The following KIF13A variants were observed in gnomAD, a reference collection of about 807,000 sequenced individuals.
The protein encoded by KIF13A is kinesin-like protein KIF13A.
Under a neutral mutation model 212.2 loss-of-function variants are expected in KIF13A, and 79 were observed. The observed-to-expected ratio is 0.37, with a 90% CI of 0.31 to 0.45. The LOEUF is 0.45. KIF13A is among the 20% of genes least tolerant of loss of function. The probability of loss-of-function intolerance (pLI) is 1.00; values close to 1 mark genes in which losing one functional copy is unlikely to be tolerated. For missense variants in KIF13A, 1,901 were observed against 2,209.0 expected (o/e 0.86, Z 2.79); for synonymous variants, 789 against 808.6 (o/e 0.98, Z 0.41).
In KIF13A at chr6:17,764,374, G is replaced by A; in HGVS notation, c.5154C>T (p.Pro1718=). 1.2e-6 allele frequency: 2 copies of A among 1,613,942 alleles called. No homozygotes were observed. The highest frequency in any genetic ancestry group is 2.2e-5 in the South Asian group (2 of 91,086). ...TGGTGTGTTCTACCGTCACCTCCCT[G>A]GGGCAGAATCCCCTGGCTGGCTGGC... is the stretch of plus-strand genomic sequence containing the variant. The part of the protein sequence containing the change: ...KISQPARGFC[P]REVTVEHTTN... The change falls in exon 39 of 39, where the codon CCC becomes CCT. Residue 1718 remains proline, a synonymous_variant. Coordinates refer to ENST00000259711, the MANE Select transcript of KIF13A (RefSeq NM_022113.6). This position sits in a 1 kb window ranked among gnomAD's most constrained non-coding sequence, Gnocchi z 5.1.
At chr6:17,791,977 G>A (rs564041609) in intron 25 of KIF13A, among the ~76,000 whole-genome samples, 2 of 151,504 alleles carry the variant, frequency 1.3e-5, no homozygotes, top group Admixed American at 6.6e-5. Context: ...GTCGAGGTGG[G>A]TGGATCATGA....
intron 38 of KIF13A, among the ~76,000 whole-genome samples, chr6:17,767,375 C>A (rs576784169): frequency 2.8e-3 from 429 of 152,240 alleles, no homozygotes; most frequent in Admixed American, 4.3e-3. Context: ...CTGCTTCAGC[C>A]TCCCAAGTAG....
intron 29 of KIF13A, among the ~76,000 whole-genome samples, chr6:17,782,541 T>C (rs1401624856): frequency 6.6e-6 from 1 of 151,794 alleles, no homozygotes; most frequent in Admixed American, 6.6e-5. Context: ...GAGGCTGAGG[T>C]AGAAAACTGC....
At chr6:17,874,993 G>GCACATGTACACACACACA (rs1224756285) in intron 3 of KIF13A, among the ~76,000 whole-genome samples, 1 of 51,410 alleles carries the variant, frequency 1.9e-5, no homozygotes, top group African/African-American at 1.1e-4. Context: ...ACACACACAC[G>GCACATGTACACACACACA]CACACGCACG....
chr6:17,918,204 C>T lies in KIF13A; in HGVS notation c.147-20024G>A, dbSNP rs1454304883. On this transcript the variant is annotated intron_variant, in intron 2 of 38. Transcript: ENST00000259711. The surrounding 1 kb of genome is among the most constrained non-coding windows in gnomAD (Gnocchi z 4.8). ...CACCCATCTCGTTCCAAGCAGAGGC[C>T]GGGTCACACTCACCCTGGGTTCTCT... is the stretch of plus-strand genomic sequence containing the variant. Among the ~76,000 whole-genome samples the T allele has an allele frequency of 2.0e-5, 3 of 151,826 alleles. No individual in the cohort carries two copies. The highest frequency in any genetic ancestry group is 6.6e-5 in the Admixed American group (1 of 15,228).
chr6:17,796,334 T>TA (rs1004286955), intron 23 of KIF13A, among the ~76,000 whole-genome samples: 13 of 69,368 alleles, frequency 1.9e-4, no homozygotes, highest in South Asian at 5.8e-4. Flanking sequence ...TTTTTATAAA[T>TA]AAAAAAAAAA....
chr6:17,805,666 T>G, intron 18 of KIF13A, 51 bp from the exon 19 acceptor site: 1 of 1,515,202 alleles, frequency 6.6e-7, no homozygotes, highest in Non-Finnish European at 8.9e-7. Flanking sequence ...CCTTTTTCGA[T>G]TGCTAAAGCA....
At chr6:17,981,143 C>A (rs1484971680) in intron 2 of KIF13A, among the ~76,000 whole-genome samples, 1 of 151,220 alleles carries the variant, frequency 6.6e-6, no homozygotes, top group Admixed American at 6.6e-5. Context: ...CTAACTAAAC[C>A]TATGTTTTTC....
intron 2 of KIF13A, among the ~76,000 whole-genome samples, chr6:17,985,353 A>G (rs73375105): frequency 0.01 from 1,556 of 152,326 alleles, 21 homozygotes; most frequent in African/African-American, 0.036. Flanking sequence ...TCAACTGATT[A>G]CTTAGCATTT....
chr6:17,904,861 T>C (rs1773359018), intron 2 of KIF13A, among the ~76,000 whole-genome samples: 1 of 152,262 alleles, frequency 6.6e-6, no homozygotes, highest in East Asian at 1.9e-4. Flanking sequence ...ACTTTATTAA[T>C]TGTTGGAAAT....
chr6:17,925,789 A>C (rs562842237), intron 2 of KIF13A, among the ~76,000 whole-genome samples: 22 of 152,346 alleles, frequency 1.4e-4, no homozygotes, highest in Admixed American at 1.1e-3. Flanking sequence ...GTAATGACGA[A>C]GGCAAACAGT....
intron 2 of KIF13A, among the ~76,000 whole-genome samples, chr6:17,985,463 A>G (rs1304566554): frequency 6.6e-6 from 1 of 152,030 alleles, no homozygotes; most frequent in Non-Finnish European, 1.5e-5. Context: ...AACAGTAGCT[A>G]ACAGTCGCAC....
chr6:17,887,339 A>G (rs969990628), intron 3 of KIF13A, among the ~76,000 whole-genome samples: 1 of 152,192 alleles, frequency 6.6e-6, no homozygotes, highest in Non-Finnish European at 1.5e-5. Flanking sequence ...TTGAACATTT[A>G]AGGTTGTTAC....
In KIF13A at chr6:17,811,518, C is replaced by T. The variant is rs999009651; in HGVS notation, c.2001-2588G>A. Among the ~76,000 whole-genome samples the T allele has an allele frequency of 6.6e-6, 1 of 152,180 alleles. No individual in the cohort carries two copies. The highest frequency in any genetic ancestry group is 1.5e-5 in the Non-Finnish European group (1 of 68,040). On this transcript the variant is annotated intron_variant, in intron 17 of 38. Transcript: ENST00000259711. The surrounding 1 kb of genome is among the most constrained non-coding windows in gnomAD (Gnocchi z 6.0). ...CAAATTTATATCTTGTTTCATACTA[C>T]ATTCTAAGTGTACAAAGAGAATAAA...
At chr6:17,861,070 TAC>T (rs1161321818) in intron 4 of KIF13A, among the ~76,000 whole-genome samples, 5 of 152,324 alleles carry the variant, frequency 3.3e-5, no homozygotes, top group African/African-American at 4.8e-5. Context: ...TTCTTTTAGT[TAC>T]AGTTATTTTT....
At position 17,777,277 on chromosome 6, in the gene KIF13A, A is replaced by G. The variant is rs570088076; in HGVS notation, c.4170T>C (p.Asn1390=). ...CAGATCCTTGGCAGGATGCACTTAC[A>G]TTATGAACATTTGGTGTACTGAGGC... is the stretch of plus-strand genomic sequence containing the variant. ...RRSLSTPNVH[N]VSSSRPDLSG... is the part of the protein sequence containing the mutation. Residue 1390 remains asparagine, a splice_region_variant and synonymous_variant, in exon 34 of 39, where the codon AAT becomes AAC. Coordinates refer to ENST00000259711, the MANE Select transcript of KIF13A (RefSeq NM_022113.6). The surrounding 1 kb of genome is among the most constrained non-coding windows in gnomAD (Gnocchi z 4.4). 2.5e-6 allele frequency: 4 copies of G among 1,610,594 alleles called. 1 individual carries two copies. In the South Asian group the frequency reaches 3.3e-5, roughly 13 times the overall value.
rs1761396680 is a variant in KIF13A at position 17,789,985 on chromosome 6, G to T, written c.3223-75C>A. The T allele has an allele frequency of 2.6e-6, 3 of 1,161,322 alleles. No individual in the cohort carries two copies. The highest frequency in any genetic ancestry group is 3.8e-6 in the Non-Finnish European group (3 of 783,910). The allele number at this position is 1,161,322 out of a possible 1,614,324, so 71.9% of individuals were successfully genotyped here. On this transcript the variant is annotated intron_variant, in intron 25 of 38. Transcript: ENST00000259711. The surrounding 1 kb of genome is among the most constrained non-coding windows in gnomAD (Gnocchi z 4.8). ...ACATACAGGGAAAATAATTATTTAAGCTTAACACACATTAAAATGGACAGC... is the reference window on the plus strand; with the variant it reads ...ACATACAGGGAAAATAATTATTTAATCTTAACACACATTAAAATGGACAGC...
chr6:17,915,681 G>A lies in KIF13A; in HGVS notation c.147-17501C>T, dbSNP rs1409080480. 1.3e-5 allele frequency among the ~76,000 whole-genome samples: 2 copies of A among 152,122 alleles called. No individual in the cohort carries two copies. The highest frequency in any genetic ancestry group is 2.9e-5 in the Non-Finnish European group (2 of 68,006). On this transcript the variant is annotated intron_variant, in intron 2 of 38. Coordinates refer to ENST00000259711, the MANE Select transcript of KIF13A (RefSeq NM_022113.6). This position sits in a 1 kb window ranked among gnomAD's most constrained non-coding sequence, Gnocchi z 4.4. ...CCAGGACAGGAAAATTACAGTTCAG[G>A]CCAGGCACAGTGGCTCACGCCTGTA... is the stretch of plus-strand genomic sequence containing the variant.
intron 29 of KIF13A, among the ~76,000 whole-genome samples, chr6:17,781,958 ATGGAGTCC>A (rs1760628404): frequency 6.6e-6 from 1 of 151,702 alleles, no homozygotes; most frequent in African/African-American, 2.4e-5. Flanking sequence ...TTTTATTGAG[ATGGAGTCC>A]CGCTCTGTAG....
Sources: gnomAD v4.1 joint callset for allele counts (sites outside exome capture counted in the v4.1 genomes callset) on GRCh38, gnomAD v4.1.1 for gene constraint, Gnocchi (gnomAD v3.1) non-coding constraint, MANE v1.5 for transcripts, NCBI Gene and HGNC (gene_info 2026-07-23, HGNC 2026-07-21) for gene names.